Variants in PRKN observed in about 807,000 individuals in gnomAD.
PRKN encodes the protein parkin RBR E3 ubiquitin protein ligase.
A neutral mutation model predicts 59.5 loss-of-function variants in PRKN; 56 were observed. The observed-to-expected ratio is 0.94, with a 90% CI of 0.76 to 1.18. The LOEUF (loss-of-function observed/expected upper bound fraction) is 1.18, where lower values mean the gene tolerates loss of function less well. Among genes scored for constraint, PRKN ranks in the 50% most tolerant of loss-of-function variants. PRKN has a pLI of 0.00. For synonymous variants in PRKN, 250 were observed against 222.1 expected, an observed-to-expected ratio of 1.13 and a Z score of -1.12; for missense variants, 657 against 596.4, an observed-to-expected ratio of 1.10 and a Z score of -1.06.
Position 161,675,386 on chromosome 6 carries a change from G to A in PRKN, c.872-105970C>T, listed in dbSNP as rs188994346. 4.0e-4 allele frequency among the ~76,000 whole-genome samples: 61 copies of A among 151,692 alleles called. 1 individual carries two copies. The highest frequency in any genetic ancestry group is 1.4e-3 in the African/African-American group (56 of 41,302). On this transcript the variant is annotated intron_variant, in intron 7 of 11. Transcript: ENST00000366898. ...TCTCCATGGAAACATAGAGAGGAGC[G>A]CTTGTATCCTTGCAGAGAAACAACA...
At chr6:162,604,062 G>A (rs1167231543) in intron 1 of PRKN, among the ~76,000 whole-genome samples, 1 of 152,156 alleles carries the variant, frequency 6.6e-6, no homozygotes, top group Non-Finnish European at 1.5e-5. Flanking sequence ...CTTGAATGCA[G>A]AGACAGGTGT....
Position 162,262,731 on chromosome 6 carries a change from A to G in PRKN, c.206T>C (p.Ile69Thr), listed in dbSNP as rs1410734761. The G allele has an allele frequency of 1.2e-6, 2 of 1,611,470 alleles. No individual in the cohort carries two copies. Among genetic ancestry groups the G allele is most frequent in the African/African-American group, 2.7e-5 (2 of 74,584 alleles). ...CDLDQQSIVH[I>T]VQRPWRKGQE... is the part of the protein sequence containing the mutation. The stretch of plus-strand genomic sequence containing the variant: ...ACCTTTTCTCCACGGTCTCTGCACA[A>G]TGTGAACAATGCTCTGCTGATCCAG... The change falls in exon 3 of 12, where the codon ATT (isoleucine) becomes ACT (threonine). Residue 69 changes from isoleucine to threonine, a missense_variant. Transcript: ENST00000366898.
chr6:162,439,142 G>T (rs190605132), intron 2 of PRKN, among the ~76,000 whole-genome samples: 1 of 152,222 alleles, frequency 6.6e-6, no homozygotes, highest in East Asian at 1.9e-4. Context: ...CTTTACTAGT[G>T]TTGGTGGGGA....
At chr6:162,556,344 TGTGTGTGTG>T (rs1779573898) in intron 1 of PRKN, among the ~76,000 whole-genome samples, 1,011 of 87,366 alleles carry the variant, frequency 0.012, 9 homozygotes, top group Middle Eastern at 0.029. Context: ...ACTCAGCTGG[TGTGTGTGTG>T]TGTGTGTGTG....
At chr6:162,286,790 T>C (rs1319743150) in intron 2 of PRKN, among the ~76,000 whole-genome samples, 1 of 152,182 alleles carries the variant, frequency 6.6e-6, no homozygotes, top group African/African-American at 2.4e-5. Context: ...TTTACCTACA[T>C]TCTCCAAACT....
At chr6:161,756,453 A>G (rs1217822859) in intron 7 of PRKN, among the ~76,000 whole-genome samples, 1 of 151,064 alleles carries the variant, frequency 6.6e-6, no homozygotes, top group Non-Finnish European at 1.5e-5. Context: ...AAAAAAAAAA[A>G]AAAAAAAAAA....
Position 161,459,692 on chromosome 6 carries a change from A to G in PRKN, c.1084-72815T>C, listed in dbSNP as rs2115158346. On this transcript the variant is annotated intron_variant, in intron 9 of 11. Coordinates refer to ENST00000366898, the MANE Select transcript of PRKN (RefSeq NM_004562.3). The surrounding 1 kb of genome is among the most constrained non-coding windows in gnomAD (Gnocchi z 4.8). ...TCGCTGTTTAGAGGTTTCCACTTATATGTAGATTTGTCCAGGGTCCTAGGA... is the reference window on the plus strand; with the variant it reads ...TCGCTGTTTAGAGGTTTCCACTTATGTGTAGATTTGTCCAGGGTCCTAGGA... Among the ~76,000 whole-genome samples, 1 of 152,288 alleles carries G rather than the reference A, an allele frequency of 6.6e-6. No homozygotes were observed. Among genetic ancestry groups the G allele is most frequent in the East Asian group, 1.9e-4 (1 of 5,180 alleles).
chr6:162,262,644 T>G lies in PRKN; in HGVS notation c.293A>C (p.Glu98Ala). 1 of 1,613,730 alleles carries G rather than the reference T, an allele frequency of 6.2e-7. No individual in the cohort carries two copies. The highest frequency in any genetic ancestry group is 8.5e-7 in the Non-Finnish European group (1 of 1,179,974). ...PRNAAGGCER[E>A]PQSLTRVDLS... Reference sequence around the variant, plus strand: ...GTCCACCCGAGTCAAGCTCTGGGGCTCCCGCTCACAGCCTCCCGCCGCGTT... The same window carrying G: ...GTCCACCCGAGTCAAGCTCTGGGGCGCCCGCTCACAGCCTCCCGCCGCGTT... Residue 98 changes from glutamate to alanine, a missense_variant, in exon 3 of 12, where the codon GAG becomes GCG. Transcript: ENST00000366898.
intron 2 of PRKN, among the ~76,000 whole-genome samples, chr6:162,328,083 G>A (rs1490654355): frequency 2.1e-5 from 2 of 93,036 alleles, no homozygotes; most frequent in East Asian, 2.8e-4. Context: ...CCACTAGGTC[G>A]GGTGCGGTGG....
chr6:161,971,643 A>G (rs115280655), intron 6 of PRKN, among the ~76,000 whole-genome samples: 88 of 152,362 alleles, frequency 5.8e-4, no homozygotes, highest in African/African-American at 1.9e-3. Context: ...CACAGCAGTG[A>G]CTAAACATGC....
chr6:161,581,451 GT>G lies in PRKN; in HGVS notation c.872-12036del, dbSNP rs1781336328. On this transcript the variant is annotated intron_variant, in intron 7 of 11. Coordinates refer to ENST00000366898, the MANE Select transcript of PRKN (RefSeq NM_004562.3). This position sits in a 1 kb window ranked among gnomAD's most constrained non-coding sequence, Gnocchi z 4.5. ...CCCAATAAGTACATAAGCAAAAGGA[GT>G]TTTTTTGAGAAGTGTTGAGAGAGAA... is the stretch of plus-strand genomic sequence containing the variant. 6.6e-6 allele frequency among the ~76,000 whole-genome samples: 1 copy of G among 152,136 alleles called. No individual in the cohort carries two copies. Among genetic ancestry groups the G allele is most frequent in the African/African-American group, 2.4e-5 (1 of 41,430 alleles).
At chr6:161,901,885 C>T (rs1777929165) in intron 6 of PRKN, among the ~76,000 whole-genome samples, 1 of 152,166 alleles carries the variant, frequency 6.6e-6, no homozygotes, top group Admixed American at 6.5e-5. Context: ...GCTGCGAGTG[C>T]TTCAGCTTGG....
chr6:161,749,287 G>C (rs1349136522), intron 7 of PRKN, among the ~76,000 whole-genome samples: 1 of 152,210 alleles, frequency 6.6e-6, no homozygotes, highest in African/African-American at 2.4e-5. Context: ...AGAGCAACGA[G>C]CAAAGTGCTG....
intron 1 of PRKN, among the ~76,000 whole-genome samples, chr6:162,510,823 T>G (rs1384216547): frequency 6.6e-6 from 1 of 152,070 alleles, no homozygotes; most frequent in Non-Finnish European, 1.5e-5. Flanking sequence ...CTCGGGAGGC[T>G]GAGGCAGGAG....
At chr6:161,916,390 G>A (rs1442547693) in intron 6 of PRKN, among the ~76,000 whole-genome samples, 2 of 152,154 alleles carry the variant, frequency 1.3e-5, no homozygotes, top group Non-Finnish European at 2.9e-5. Flanking sequence ...TTATCAGTAG[G>A]TGAATATCAT....
chr6:162,516,995 T>C (rs1045027962), intron 1 of PRKN, among the ~76,000 whole-genome samples: 1 of 151,990 alleles, frequency 6.6e-6, no homozygotes, highest in African/African-American at 2.4e-5. Context: ...TAAAAGAGAA[T>C]GTCCTATGGT....
chr6:162,171,535 A>G (rs956008218), intron 4 of PRKN, among the ~76,000 whole-genome samples: 1 of 152,162 alleles, frequency 6.6e-6, no homozygotes, highest in Admixed American at 6.6e-5. Context: ...GAAGGATTCA[A>G]TGAAGGATTT....
chr6:162,326,467 C>T (rs1377188051), intron 2 of PRKN, among the ~76,000 whole-genome samples: 1 of 152,086 alleles, frequency 6.6e-6, no homozygotes, highest in Non-Finnish European at 1.5e-5. Context: ...ATTAGATGTG[C>T]TATAATCTCA....
chr6:162,167,552 C>CA (rs1467153322), intron 4 of PRKN, among the ~76,000 whole-genome samples: 1 of 151,128 alleles, frequency 6.6e-6, no homozygotes, highest in Non-Finnish European at 1.5e-5. Context: ...TTCCACGAAA[C>CA]AGTCAGTAAC....
Sources: gnomAD v4.1 joint callset for allele counts (sites outside exome capture counted in the v4.1 genomes callset) on GRCh38, gnomAD v4.1.1 for gene constraint, Gnocchi (gnomAD v3.1) non-coding constraint, MANE v1.5 for transcripts, NCBI Gene and HGNC (gene_info 2026-07-23, HGNC 2026-07-21) for gene names.